MTAP: variants seen among roughly 807,000 people sequenced by gnomAD.
The protein encoded by MTAP is S-methyl-5'-thioadenosine phosphorylase.
Under a neutral mutation model 33.6 loss-of-function variants are expected in MTAP, and 33 were observed. The ratio of observed to expected loss-of-function variants is 0.98; its 90% CI spans 0.74 to 1.31. MTAP has a LOEUF of 1.31. Among genes scored for constraint, MTAP ranks in the 40% most tolerant of loss-of-function variants. MTAP has a pLI of 0.00. For missense variants in MTAP, 367 were observed against 360.0 expected (o/e 1.02, Z -0.16); for synonymous variants, 148 against 125.7 (o/e 1.18, Z -1.19).
At chr9:21,855,765 G>C (rs534283787) in intron 6 of MTAP, among the ~76,000 whole-genome samples, 2 of 152,118 alleles carry the variant, frequency 1.3e-5, no homozygotes, top group Non-Finnish European at 2.9e-5. Flanking sequence ...ATGAATTCCA[G>C]GTACCCATCA....
At chr9:21,883,913 G>T (rs1486335024) in intron 1 of MTAP, among the ~76,000 whole-genome samples, 2 of 152,182 alleles carry the variant, frequency 1.3e-5, no homozygotes, top group African/African-American at 4.8e-5. Flanking sequence ...TGCCACAGGG[G>T]GCTGTTGTGA....
Position 21,864,806 on chromosome 9 carries a change from C to A in MTAP, c.*2792C>A, listed in dbSNP as rs1195919154. ...TGAGCCAGCTGCCCTGCAGGTGCCA[C>A]GTGAGCCTGCTCTGGCATCCACAGG... On this transcript the variant is annotated 3_prime_UTR_variant, in exon 8 of 8. Coordinates refer to ENST00000644715, the MANE Select transcript of MTAP (RefSeq NM_002451.4). 1.0e-6 allele frequency: 1 copy of A among 985,476 alleles called. No individual in the cohort carries two copies. 61.0% of individuals were successfully genotyped at this position (985,476 alleles called of 1,614,324 possible). A position where few individuals can be genotyped will look rare whatever the true frequency, so the allele number is the denominator to read the frequency against.
Position 21,864,619 on chromosome 9 carries a change from T to G in MTAP, c.*2605T>G. The G allele has an allele frequency of 1.0e-6, 1 of 985,532 alleles. No individual in the cohort carries two copies. The highest frequency in any genetic ancestry group is 1.2e-6 in the Non-Finnish European group (1 of 829,996). 61.0% of individuals were successfully genotyped at this position (985,532 alleles called of 1,614,324 possible). A position where few individuals can be genotyped will look rare whatever the true frequency, so the allele number is the denominator to read the frequency against. ...GTCATGGTCCTTGTGACCTGGCCCC[T>G]GTTCACTGCCCCCTTCGCTAGCACG... On this transcript the variant is annotated 3_prime_UTR_variant, in exon 8 of 8. Coordinates refer to ENST00000644715, the MANE Select transcript of MTAP (RefSeq NM_002451.4).
At chr9:21,873,171 GA>G (rs796132597) in intron 1 of MTAP, among the ~76,000 whole-genome samples, 2 of 151,774 alleles carry the variant, frequency 1.3e-5, no homozygotes, top group African/African-American at 4.8e-5. Context: ...TTTTAAGTTG[GA>G]AAAAAAAGTT....
intron 1 of MTAP, among the ~76,000 whole-genome samples, chr9:21,928,940 C>T (rs2131044659): frequency 6.6e-6 from 1 of 151,676 alleles, no homozygotes; most frequent in East Asian, 1.9e-4. Context: ...AGCAGGCTTC[C>T]AACAGACTCT....
chr9:21,834,713 G>A (rs1162384207), intron 4 of MTAP, among the ~76,000 whole-genome samples: 2 of 152,188 alleles, frequency 1.3e-5, no homozygotes, highest in African/African-American at 4.8e-5. Context: ...AGTTAATCCA[G>A]AATAACCTTT....
At chr9:21,811,341 C>T (rs1195930749) in intron 1 of MTAP, among the ~76,000 whole-genome samples, 2 of 152,204 alleles carry the variant, frequency 1.3e-5, no homozygotes, top group Non-Finnish European at 2.9e-5. Flanking sequence ...GCACCCTTTC[C>T]ACATTGCTAG....
chr9:21,818,257 A>T lies in MTAP; in HGVS notation c.347+55A>T, dbSNP rs1021525691. 6 of 1,573,026 alleles carry T rather than the reference A, an allele frequency of 3.8e-6. No homozygotes were observed. The Admixed American group carries it at 1.0e-4, about 27-fold the overall frequency. ...ATTGTAGCTGGTCATTTTCAGCTCA[A>T]ATGGACGACGCGTGGGAACCGGCAG... is the stretch of plus-strand genomic sequence containing the variant. On this transcript the variant is annotated intron_variant, in intron 4 of 7. Coordinates refer to ENST00000644715, the MANE Select transcript of MTAP (RefSeq NM_002451.4).
chr9:21,892,450 G>A (rs1818215222), intron 1 of MTAP: 1 of 152,058 alleles, frequency 6.6e-6, no homozygotes, highest in African/African-American at 2.4e-5. Context: ...AGGAAAAACA[G>A]AGAGAAGAGT....
Position 21,855,447 on chromosome 9 carries a change from T to G in MTAP, c.690+577T>G, listed in dbSNP as rs186887985. 2.4e-4 allele frequency among the ~76,000 whole-genome samples: 36 copies of G among 152,328 alleles called. No individual in the cohort carries two copies. In the East Asian group the frequency reaches 6.4e-3, roughly 27 times the overall value. ...GTACACTAGGTCAACTGAATAGAGT[T>G]GACCAGACCAAATATTTGAAGTATG... On this transcript the variant is annotated intron_variant, in intron 6 of 7. Transcript: ENST00000644715.
intron 1 of MTAP, among the ~76,000 whole-genome samples, chr9:21,886,933 T>C (rs1818121303): frequency 6.6e-6 from 1 of 152,180 alleles, no homozygotes; most frequent in Non-Finnish European, 1.5e-5. Context: ...TATTTCATAG[T>C]TCCATTTGAA....
rs187669007 is a variant in MTAP, at chr9:21,844,300, C to T, written c.450+6290C>T. 2.2e-3 allele frequency among the ~76,000 whole-genome samples: 338 copies of T among 152,204 alleles called. 1 individual carries two copies. Among genetic ancestry groups the T allele is most frequent in the Admixed American group, 3.9e-3 (60 of 15,290 alleles). ...GGATTCACAGCTGAATTCTATCAGACATTCAAAGAACTGGTACCAATCTTA... is the reference window on the plus strand; with the variant it reads ...GGATTCACAGCTGAATTCTATCAGATATTCAAAGAACTGGTACCAATCTTA... On this transcript the variant is annotated intron_variant, in intron 5 of 7. Transcript: ENST00000644715.
chr9:21,860,179 G>C (rs1180060881), intron 7 of MTAP: 1 of 152,206 alleles, frequency 6.6e-6, no homozygotes, highest in Non-Finnish European at 1.5e-5. Flanking sequence ...GCTCTGTAAT[G>C]AGAGAGCCAC....
At position 21,865,318 on chromosome 9, in the gene MTAP, C is replaced by T; in HGVS notation, c.*3304C>T. ...AGGACGTGTTTGTTTCCCCTTCTGCCACGATTGTAAGTTTCCTGAGGCCTT... is the reference window on the plus strand; with the variant it reads ...AGGACGTGTTTGTTTCCCCTTCTGCTACGATTGTAAGTTTCCTGAGGCCTT... On this transcript the variant is annotated 3_prime_UTR_variant, in exon 8 of 8. Coordinates refer to ENST00000644715, the MANE Select transcript of MTAP (RefSeq NM_002451.4). The T allele has an allele frequency of 1.7e-6, 1 of 581,374 alleles. No individual in the cohort carries two copies. Among genetic ancestry groups the T allele is most frequent in the Non-Finnish European group, 2.2e-6 (1 of 461,084 alleles). 36.0% of individuals were successfully genotyped at this position (581,374 alleles called of 1,614,324 possible). A position where few individuals can be genotyped will look rare whatever the true frequency, so the allele number is the denominator to read the frequency against.
At chr9:21,887,174 A>G (rs1032174022) in intron 1 of MTAP, among the ~76,000 whole-genome samples, 4 of 152,028 alleles carry the variant, frequency 2.6e-5, no homozygotes, top group African/African-American at 4.8e-5. Flanking sequence ...CGTTTGTTAC[A>G]TATGTATACA....
At chr9:21,873,506 T>G (rs1173156421) in intron 1 of MTAP, among the ~76,000 whole-genome samples, 1 of 152,130 alleles carries the variant, frequency 6.6e-6, no homozygotes, top group Non-Finnish European at 1.5e-5. Flanking sequence ...CTTTTGCCCC[T>G]TCTGCCATGT....
chr9:21,885,651 A>C (rs1311060863), intron 1 of MTAP, among the ~76,000 whole-genome samples: 1 of 152,042 alleles, frequency 6.6e-6, no homozygotes, highest in Non-Finnish European at 1.5e-5. Context: ...CTTAGCTCTA[A>C]GTGAGAGCAT....
chr9:21,808,517 A>G (rs1421158152), intron 1 of MTAP, among the ~76,000 whole-genome samples: 1 of 149,610 alleles, frequency 6.7e-6, no homozygotes, highest in Non-Finnish European at 1.5e-5. Context: ...TGAACCCAGG[A>G]GGTTGAGGCT....
intron 4 of MTAP, among the ~76,000 whole-genome samples, chr9:21,822,716 T>C (rs1263883230): frequency 1.3e-5 from 2 of 152,236 alleles, no homozygotes; most frequent in Non-Finnish European, 2.9e-5. Context: ...ATCTGTCTAA[T>C]GTTGACAGTG....
Sources: allele counts gnomAD v4.1 joint callset (sites outside exome capture counted in the v4.1 genomes callset), GRCh38; gene constraint gnomAD v4.1.1; transcripts MANE v1.5; gene names NCBI Gene and HGNC (gene_info 2026-07-23, HGNC 2026-07-21).